Variants in DIAPH3 observed in about 807,000 individuals in gnomAD.
DIAPH3 encodes the protein protein diaphanous homolog 3.
Under a neutral mutation model 144.3 loss-of-function variants are expected in DIAPH3, and 117 were observed. The observed-to-expected ratio is 0.81, with a 90% CI of 0.70 to 0.95. DIAPH3 has a LOEUF of 0.95. Ranked by LOEUF, DIAPH3 falls within the 40% of genes least tolerant of loss-of-function variation. DIAPH3 has a pLI of 0.00. For synonymous variants in DIAPH3, 519 were observed against 488.9 expected (o/e 1.06, Z -0.81); for missense variants, 1,421 against 1,412.7 (o/e 1.01, Z -0.09).
chr13:60,073,681 T>C (rs563561257), intron 4 of DIAPH3, among the ~76,000 whole-genome samples: 97 of 152,320 alleles, frequency 6.4e-4, no homozygotes, highest in Non-Finnish European at 9.7e-4. Flanking sequence ...ATAAACACTA[T>C]TTGACAATGA....
intron 27 of DIAPH3, among the ~76,000 whole-genome samples, chr13:59,727,551 C>T (rs934288689): frequency 6.6e-6 from 1 of 152,150 alleles, no homozygotes; most frequent in South Asian, 2.1e-4. Context: ...TAAAGTTCCT[C>T]GCCTATGTGT....
At chr13:59,862,362 A>G (rs2043647168) in intron 21 of DIAPH3, among the ~76,000 whole-genome samples, 1 of 152,228 alleles carries the variant, frequency 6.6e-6, no homozygotes, top group Non-Finnish European at 1.5e-5. Flanking sequence ...ATGATCAGAT[A>G]TACATTTTAG....
At chr13:59,851,671 G>A (rs2042982050) in intron 22 of DIAPH3, among the ~76,000 whole-genome samples, 2 of 130,470 alleles carry the variant, frequency 1.5e-5, no homozygotes, top group African/African-American at 5.8e-5. Flanking sequence ...ACAGCGTTTC[G>A]CTCTTTGCCC....
intron 9 of DIAPH3, among the ~76,000 whole-genome samples, chr13:60,007,088 G>A (rs935925488): frequency 9.9e-5 from 15 of 151,558 alleles, no homozygotes; most frequent in African/African-American, 2.4e-4. Flanking sequence ...GTCTCGCTCA[G>A]TCACCCAGGC....
intron 15 of DIAPH3, among the ~76,000 whole-genome samples, chr13:59,972,858 C>A (rs2050467666): frequency 6.6e-6 from 1 of 151,028 alleles, no homozygotes; most frequent in African/African-American, 2.4e-5. Flanking sequence ...TGTGAAGAGA[C>A]TACGGGAGCA....
rs1594032838 is a variant in DIAPH3 at position 59,930,921 on chromosome 13, G to T, written c.2075-6051C>A. Among the ~76,000 whole-genome samples, 5 of 152,096 alleles carry T rather than the reference G, an allele frequency of 3.3e-5. No individual in the cohort carries two copies. In the South Asian group the frequency reaches 1.0e-3, roughly 32 times the overall value. ...AAAGTTGATTCTGTAGTGGGAAATA[G>T]ACTAATTATTGATCCAGCCCAAATT... On this transcript the variant is annotated intron_variant, in intron 17 of 27. Coordinates refer to ENST00000400324, the MANE Select transcript of DIAPH3 (RefSeq NM_001042517.2).
intron 4 of DIAPH3, among the ~76,000 whole-genome samples, chr13:60,093,233 T>A (rs1300543355): frequency 6.6e-6 from 1 of 152,204 alleles, no homozygotes; most frequent in Non-Finnish European, 1.5e-5. Flanking sequence ...GAGACTCACA[T>A]TAAAGACATT....
chr13:59,827,013 C>A (rs1386520360), intron 24 of DIAPH3, among the ~76,000 whole-genome samples: 3 of 152,108 alleles, frequency 2.0e-5, no homozygotes, highest in African/African-American at 7.2e-5. Context: ...CTTCCTTACA[C>A]CTTATACAAA....
At chr13:60,017,139 C>G (rs2053706442) in intron 5 of DIAPH3, among the ~76,000 whole-genome samples, 1 of 152,086 alleles carries the variant, frequency 6.6e-6, no homozygotes, top group Non-Finnish European at 1.5e-5. Context: ...CGTGGTGGCT[C>G]CTGCCTGTAA....
chr13:60,132,110 A>T (rs1448916613), intron 2 of DIAPH3, among the ~76,000 whole-genome samples: 1 of 152,236 alleles, frequency 6.6e-6, no homozygotes, highest in African/African-American at 2.4e-5. Context: ...GGAATAAAAC[A>T]TACCAACATT....
intron 8 of DIAPH3, 45 bp from the exon 9 acceptor site, chr13:60,008,694 A>T (rs1294210603): frequency 1.7e-6 from 2 of 1,174,270 alleles, no homozygotes; most frequent in East Asian, 4.7e-5. Flanking sequence ...AGCAAACACA[A>T]ATGCCATAAT....
intron 25 of DIAPH3, among the ~76,000 whole-genome samples, chr13:59,808,507 A>G (rs1001319777): frequency 5.3e-5 from 8 of 152,098 alleles, no homozygotes; most frequent in Non-Finnish European, 8.8e-5. Context: ...TATGCTTCTG[A>G]AAATCAGTTT....
At chr13:60,045,357 T>A (rs573412411) in intron 4 of DIAPH3, among the ~76,000 whole-genome samples, 2 of 151,832 alleles carry the variant, frequency 1.3e-5, no homozygotes, top group South Asian at 2.1e-4. Context: ...AAAATAAAAA[T>A]AAAAATAAAT....
chr13:60,056,206 CTAT>C lies in DIAPH3; in HGVS notation c.496-13389_496-13387del, dbSNP rs1047608562. Among the ~76,000 whole-genome samples, 187 of 148,514 alleles carry C rather than the reference CTAT, an allele frequency of 1.3e-3. 1 individual carries two copies. Among genetic ancestry groups the C allele is most frequent in the Non-Finnish European group, 7.9e-4 (53 of 67,028 alleles). Reference sequence around the variant, plus strand: ...AATATATATAAAATACATATATTATCTATTATCTATTTTATATGTTATATATAA... The same window carrying C: ...AATATATATAAAATACATATATTATCTATCTATTTTATATGTTATATATAA... On this transcript the variant is annotated intron_variant, in intron 4 of 27. Coordinates refer to ENST00000400324, the MANE Select transcript of DIAPH3 (RefSeq NM_001042517.2).
intron 27 of DIAPH3, among the ~76,000 whole-genome samples, chr13:59,724,912 C>T (rs151037492): frequency 5.7e-4 from 86 of 151,982 alleles, no homozygotes; most frequent in African/African-American, 2.0e-3. Flanking sequence ...GAATATATGC[C>T]CCAGAAAAGA....
intron 20 of DIAPH3, among the ~76,000 whole-genome samples, chr13:59,894,200 C>T (rs929706834): frequency 6.6e-6 from 1 of 151,744 alleles, no homozygotes; most frequent in Non-Finnish European, 1.5e-5. Flanking sequence ...ATCAGAAGGG[C>T]CAGGTCTGTG....
chr13:59,840,457 C>T (rs2042276912), intron 22 of DIAPH3, among the ~76,000 whole-genome samples: 2 of 151,238 alleles, frequency 1.3e-5, no homozygotes, highest in Admixed American at 1.3e-4. Context: ...CAAAATGAAA[C>T]TGAGTTGTTT....
chr13:60,124,809 T>TG (rs947179107), intron 2 of DIAPH3, among the ~76,000 whole-genome samples: 83 of 151,758 alleles, frequency 5.5e-4, no homozygotes, highest in African/African-American at 1.9e-3. Context: ...ACCACTGCCC[T>TG]GGGTGACAAA....
intron 27 of DIAPH3, among the ~76,000 whole-genome samples, chr13:59,707,218 T>C (rs1251792080): frequency 2.0e-5 from 3 of 152,170 alleles, no homozygotes; most frequent in African/African-American, 7.2e-5. Context: ...CTCAAAACAT[T>C]GAACAGCTGA....
Sources: gnomAD v4.1 joint callset for allele counts (sites outside exome capture counted in the v4.1 genomes callset) on GRCh38, gnomAD v4.1.1 for gene constraint, MANE v1.5 for transcripts, NCBI Gene and HGNC (gene_info 2026-07-23, HGNC 2026-07-21) for gene names.